Variants in HCN1 observed in about 807,000 individuals in gnomAD.
HCN1 encodes the protein potassium/sodium hyperpolarization-activated cyclic nucleotide-gated channel 1.
A neutral mutation model predicts 78.9 loss-of-function variants in HCN1; 13 were observed. That is an observed-to-expected ratio of 0.16 (90% CI 0.11 to 0.26). The LOEUF (loss-of-function observed/expected upper bound fraction) is 0.26. HCN1 is among the 10% of genes least tolerant of loss of function. The pLI is 1.00. For missense variants in HCN1, 810 were observed against 1,154.3 expected, an observed-to-expected ratio of 0.70 and a Z score of 4.32; for synonymous variants, 552 against 455.5, an observed-to-expected ratio of 1.21 and a Z score of -2.70.
chr5:45,615,909 C>T (rs953132470), intron 2 of HCN1, among the ~76,000 whole-genome samples: 2 of 151,496 alleles, frequency 1.3e-5, no homozygotes, highest in African/African-American at 2.4e-5. Context: ...CTCAAAACAC[C>T]AAAATTATTT....
chr5:45,486,249 C>G (rs575799206), intron 2 of HCN1, among the ~76,000 whole-genome samples: 1 of 152,000 alleles, frequency 6.6e-6, no homozygotes, highest in Admixed American at 6.6e-5. Context: ...CAAGATTTTG[C>G]GATAGGAGGA....
At chr5:45,571,196 A>T (rs1250503687) in intron 2 of HCN1, among the ~76,000 whole-genome samples, 3 of 152,092 alleles carry the variant, frequency 2.0e-5, no homozygotes, top group African/African-American at 7.2e-5. Context: ...ACAGATGATG[A>T]CTTCATTGGT....
chr5:45,508,383 G>T (rs922750490), intron 2 of HCN1, among the ~76,000 whole-genome samples: 1 of 152,020 alleles, frequency 6.6e-6, no homozygotes, highest in Non-Finnish European at 1.5e-5. Context: ...AAAGGAGTTA[G>T]ATTACACCAC....
intron 4 of HCN1, among the ~76,000 whole-genome samples, chr5:45,374,298 A>G (rs1231437709): frequency 7.8e-5 from 10 of 127,980 alleles, no homozygotes; most frequent in Non-Finnish European, 1.4e-4. Flanking sequence ...CATTATATAT[A>G]TTGTATACAT....
chr5:45,571,476 T>C (rs892574014), intron 2 of HCN1, among the ~76,000 whole-genome samples: 1 of 152,134 alleles, frequency 6.6e-6, no homozygotes, highest in Non-Finnish European at 1.5e-5. Flanking sequence ...AACGCCAAAA[T>C]AGACAAGCTA....
At chr5:45,443,649 C>T (rs1022756333) in intron 3 of HCN1, among the ~76,000 whole-genome samples, 1 of 152,056 alleles carries the variant, frequency 6.6e-6, no homozygotes, top group African/African-American at 2.4e-5. Context: ...GCAAATACAA[C>T]ACATTTATGT....
rs368403357 is a variant in HCN1 at position 45,503,888 on chromosome 5, C to T, written c.850-41881G>A. 3.2e-4 allele frequency among the ~76,000 whole-genome samples: 49 copies of T among 151,862 alleles called. 1 individual carries two copies. In the East Asian group the frequency reaches 7.0e-3, roughly 22 times the overall value. On this transcript the variant is annotated intron_variant, in intron 2 of 7. Transcript: ENST00000303230. ...GCAACCTCCACCTCCCAGGTTCAGG[C>T]GATTCTCCTGCATTAGCCTCCCAAG...
At chr5:45,515,329 TA>T (rs1327082375) in intron 2 of HCN1, among the ~76,000 whole-genome samples, 4 of 151,958 alleles carry the variant, frequency 2.6e-5, no homozygotes, top group African/African-American at 7.2e-5. Flanking sequence ...CTAGGAAACC[TA>T]AAAAACTTAG....
Position 45,695,790 on chromosome 5 carries a change from G to T in HCN1, c.304C>A (p.Leu102Met). The T allele has an allele frequency of 1.2e-6, 2 of 1,611,428 alleles. No homozygotes were observed. Among genetic ancestry groups the T allele is most frequent in the South Asian group, 2.2e-5 (2 of 91,078 alleles). Reference sequence around the variant, plus strand: ...GAGAATTTGTTGACCCCGGGCTGCAGCATGGAGGTGAACTGCCTCTGCATG... The same window carrying T: ...GAGAATTTGTTGACCCCGGGCTGCATCATGGAGGTGAACTGCCTCTGCATG... ...GFMQRQFTSM[L>M]QPGVNKFSLR... The change falls in exon 1 of 8, where the codon CTG (leucine) becomes ATG (methionine). Residue 102 changes from leucine to methionine, a missense_variant. Coordinates refer to ENST00000303230, the MANE Select transcript of HCN1 (RefSeq NM_021072.4).
At chr5:45,666,259 C>T (rs1056661772) in intron 1 of HCN1, among the ~76,000 whole-genome samples, 3 of 152,086 alleles carry the variant, frequency 2.0e-5, no homozygotes. Context: ...TGAAGTAAAA[C>T]TGTTTCCTTA....
chr5:45,607,814 T>C (rs1316877541), intron 2 of HCN1, among the ~76,000 whole-genome samples: 1 of 151,686 alleles, frequency 6.6e-6, no homozygotes, highest in Admixed American at 6.6e-5. Flanking sequence ...GCATTGTCTT[T>C]AAAATGAGAA....
intron 1 of HCN1, among the ~76,000 whole-genome samples, chr5:45,665,873 T>C (rs546813201): frequency 1.2e-4 from 19 of 152,192 alleles, no homozygotes; most frequent in African/African-American, 2.4e-4. Context: ...CTCTCTAATT[T>C]CTCTGACCTT....
chr5:45,271,713 G>A (rs140720899), intron 6 of HCN1, among the ~76,000 whole-genome samples: 1,983 of 152,078 alleles, frequency 0.013, 18 homozygotes, highest in Middle Eastern at 0.062. Flanking sequence ...TTGAATAATT[G>A]AATCAAATAG....
At chr5:45,492,141 A>C (rs1207997436) in intron 2 of HCN1, among the ~76,000 whole-genome samples, 1 of 151,962 alleles carries the variant, frequency 6.6e-6, no homozygotes, top group Non-Finnish European at 1.5e-5. Context: ...CTACTCCTAC[A>C]TCATGTCTAG....
At chr5:45,477,038 G>A (rs1316705246) in intron 2 of HCN1, among the ~76,000 whole-genome samples, 2 of 152,088 alleles carry the variant, frequency 1.3e-5, no homozygotes, top group Non-Finnish European at 2.9e-5. Flanking sequence ...ATACGTAGAT[G>A]AGTTGTTACA....
intron 2 of HCN1, among the ~76,000 whole-genome samples, chr5:45,565,678 G>A (rs577664653): frequency 1.3e-5 from 2 of 151,994 alleles, no homozygotes; most frequent in Admixed American, 1.3e-4. Flanking sequence ...CAAAAAAATA[G>A]CTGGGTGTGG....
rs927519630 is a variant in HCN1 at position 45,659,112 on chromosome 5, C to A, written c.426-13504G>T. Among the ~76,000 whole-genome samples the A allele has an allele frequency of 4.6e-5, 7 of 152,028 alleles. No homozygotes were observed. In the South Asian group the frequency reaches 6.2e-4, roughly 14 times the overall value. ...CAGCACGCAGCTAGAGATCTGAGAA[C>A]GGGCAGACTGCCTCCTCAAGTGGGT... On this transcript the variant is annotated intron_variant, in intron 1 of 7. Transcript: ENST00000303230.
chr5:45,285,284 C>T (rs1172088942), intron 6 of HCN1, among the ~76,000 whole-genome samples: 2 of 152,048 alleles, frequency 1.3e-5, no homozygotes, highest in Non-Finnish European at 2.9e-5. Context: ...TGGGCCAATG[C>T]ACATGGCTAA....
chr5:45,486,876 G>C (rs911769069), intron 2 of HCN1, among the ~76,000 whole-genome samples: 3 of 152,066 alleles, frequency 2.0e-5, no homozygotes, highest in African/African-American at 7.2e-5. Context: ...CAAATATGAA[G>C]TCAATAATAG....
Sources: allele counts gnomAD v4.1 joint callset (sites outside exome capture counted in the v4.1 genomes callset), GRCh38; gene constraint gnomAD v4.1.1; transcripts MANE v1.5; gene names NCBI Gene and HGNC (gene_info 2026-07-23, HGNC 2026-07-21).